SHISA6: variants seen among roughly 807,000 people sequenced by gnomAD.
The protein encoded by SHISA6 is shisa family member 6, also known as protein shisa-6.
A neutral mutation model predicts 47.9 loss-of-function variants in SHISA6; 22 were observed. The ratio of observed to expected loss-of-function variants is 0.46; its 90% CI spans 0.33 to 0.66. The LOEUF is 0.66. Ranked by LOEUF, SHISA6 falls within the 30% of genes least tolerant of loss-of-function variation. The pLI is 0.02. For missense variants in SHISA6, 680 were observed against 764.6 expected (o/e 0.89, Z 1.30); for synonymous variants, 388 against 337.8 (o/e 1.15, Z -1.63).
At chr17:11,410,168 A>G (rs1171807877) in intron 3 of SHISA6, among the ~76,000 whole-genome samples, 1 of 152,162 alleles carries the variant, frequency 6.6e-6, no homozygotes, top group African/African-American at 2.4e-5. Flanking sequence ...CACTGAAGCT[A>G]CAGTTGCTAG....
At position 11,558,175 on chromosome 17, in the gene SHISA6, G is replaced by C; in HGVS notation, c.1527G>C (p.Leu509=). The C allele has an allele frequency of 6.5e-7, 1 of 1,547,678 alleles. No individual in the cohort carries two copies. The highest frequency in any genetic ancestry group is 2.4e-5 in the East Asian group (1 of 40,916). The part of the protein sequence containing the change: ...PSASNNSYAT[L]GQSQTAAKRH... ...CCTCCAATAACTCATACGCCACCCT[G>C]GGCCAGAGCCAGACGGCAGCCAAGC... The change falls in exon 6 of 6, where the codon CTG becomes CTC. Residue 509 remains leucine, a synonymous_variant. Coordinates refer to ENST00000441885, the MANE Select transcript of SHISA6 (RefSeq NM_207386.4).
chr17:11,318,278 C>A (rs9913280), intron 2 of SHISA6, among the ~76,000 whole-genome samples: 3,083 of 152,274 alleles, frequency 0.02, 116 homozygotes, highest in African/African-American at 0.07. Flanking sequence ...CTCTTTGTAA[C>A]TGCCTTTAGT....
At chr17:11,302,537 C>T (rs895441545) in intron 2 of SHISA6, among the ~76,000 whole-genome samples, 8 of 152,108 alleles carry the variant, frequency 5.3e-5, no homozygotes, top group African/African-American at 9.7e-5. Flanking sequence ...GGTACATGAA[C>T]GTGCCAGAAA....
chr17:11,246,271 A>G (rs922347932), intron 1 of SHISA6, among the ~76,000 whole-genome samples: 1 of 152,102 alleles, frequency 6.6e-6, no homozygotes, highest in African/African-American at 2.4e-5. Context: ...TGGGTGGATC[A>G]TTAGGTCAGG....
chr17:11,547,319 C>G (rs1337137132), intron 3 of SHISA6, among the ~76,000 whole-genome samples: 1 of 152,178 alleles, frequency 6.6e-6, no homozygotes, highest in African/African-American at 2.4e-5. Context: ...TATTAGTCCA[C>G]AAAGGAAATC....
intron 3 of SHISA6, among the ~76,000 whole-genome samples, chr17:11,539,736 T>G (rs1173108265): frequency 6.6e-6 from 1 of 152,238 alleles, no homozygotes; most frequent in Non-Finnish European, 1.5e-5. Flanking sequence ...GAGATTGTTT[T>G]GTCACTTTGT....
At chr17:11,375,815 G>C (rs1912780161) in intron 2 of SHISA6, among the ~76,000 whole-genome samples, 1 of 152,144 alleles carries the variant, frequency 6.6e-6, no homozygotes, top group South Asian at 2.1e-4. Flanking sequence ...TAAAATCTTT[G>C]TTGCTTTAGG....
chr17:11,431,326 G>A (rs546348576), intron 3 of SHISA6, among the ~76,000 whole-genome samples: 2 of 152,316 alleles, frequency 1.3e-5, no homozygotes, highest in South Asian at 2.1e-4. Flanking sequence ...AGAGGGGAGT[G>A]TGGAGCAGGA....
chr17:11,287,937 G>A (rs1909379120), intron 2 of SHISA6, among the ~76,000 whole-genome samples: 1 of 152,066 alleles, frequency 6.6e-6, no homozygotes, highest in South Asian at 2.1e-4. Context: ...TAGAAAGAAT[G>A]GTATGTATAA....
chr17:11,415,821 C>A (rs1242315903), intron 3 of SHISA6, among the ~76,000 whole-genome samples: 1 of 152,050 alleles, frequency 6.6e-6, no homozygotes, highest in African/African-American at 2.4e-5. Context: ...AGGAGATGAC[C>A]TCTGTTATGT....
intron 2 of SHISA6, among the ~76,000 whole-genome samples, chr17:11,356,740 A>T (rs1912091235): frequency 6.6e-6 from 1 of 152,048 alleles, no homozygotes; most frequent in Admixed American, 6.5e-5. Flanking sequence ...GTATCCCCTT[A>T]AGTTGCACAG....
At chr17:11,556,334 C>A (rs976369496) in intron 5 of SHISA6, among the ~76,000 whole-genome samples, 4 of 152,298 alleles carry the variant, frequency 2.6e-5, no homozygotes, top group Non-Finnish European at 5.9e-5. Context: ...CCAACAGTGT[C>A]TTGAGGACCT....
intron 2 of SHISA6, among the ~76,000 whole-genome samples, chr17:11,264,656 G>C (rs952717738): frequency 1.3e-5 from 2 of 152,196 alleles, no homozygotes; most frequent in Non-Finnish European, 2.9e-5. Flanking sequence ...TGGGCAATGT[G>C]ATCTGAACTA....
intron 2 of SHISA6, among the ~76,000 whole-genome samples, chr17:11,303,082 G>A (rs1036835058): frequency 6.6e-5 from 10 of 152,156 alleles, no homozygotes; most frequent in African/African-American, 2.4e-4. Context: ...AGCAGCCTAT[G>A]TGCTTGTATG....
intron 3 of SHISA6, among the ~76,000 whole-genome samples, chr17:11,481,300 A>G (rs1408754002): frequency 2.0e-5 from 3 of 151,242 alleles, no homozygotes; most frequent in African/African-American, 7.3e-5. Flanking sequence ...ATATATACAC[A>G]TATAACAGAG....
chr17:11,241,419 C>T lies in SHISA6; in HGVS notation c.-4C>T. ...CTCCCCGCGCCCTCCCGCCCGGCCC[C>T]GCCATGGCGCTGCGGCGCCTCCTGC... On this transcript the variant is annotated 5_prime_UTR_variant, in exon 1 of 6. Transcript: ENST00000441885. The surrounding 1 kb of genome is among the most constrained non-coding windows in gnomAD (Gnocchi z 5.5). 2 of 1,152,016 alleles carry T rather than the reference C, an allele frequency of 1.7e-6. No homozygotes were observed. Among genetic ancestry groups the T allele is most frequent in the Non-Finnish European group, 2.2e-6 (2 of 926,422 alleles). The allele number at this position is 1,152,016 out of a possible 1,614,324, so 71.4% of individuals were successfully genotyped here. A position where few individuals can be genotyped will look rare whatever the true frequency, so the allele number is the denominator to read the frequency against.
intron 3 of SHISA6, among the ~76,000 whole-genome samples, chr17:11,473,529 A>G (rs184228251): frequency 1.7e-3 from 255 of 152,220 alleles, no homozygotes; most frequent in Middle Eastern, 0.01. Context: ...AAATCTACCA[A>G]TCTCATCCAT....
At chr17:11,491,237 G>A (rs1042877410) in intron 3 of SHISA6, among the ~76,000 whole-genome samples, 1 of 152,184 alleles carries the variant, frequency 6.6e-6, no homozygotes, top group African/African-American at 2.4e-5. Flanking sequence ...AGCATTCATG[G>A]AAATAATGGC....
intron 2 of SHISA6, among the ~76,000 whole-genome samples, chr17:11,348,275 A>C (rs1032691675): frequency 2.0e-5 from 3 of 152,150 alleles, no homozygotes; most frequent in Non-Finnish European, 2.9e-5. Context: ...TTGTTTATGT[A>C]AACAGGGATC....
Sources: gnomAD v4.1 joint callset for allele counts (sites outside exome capture counted in the v4.1 genomes callset) on GRCh38, gnomAD v4.1.1 for gene constraint, Gnocchi (gnomAD v3.1) non-coding constraint, MANE v1.5 for transcripts, NCBI Gene and HGNC (gene_info 2026-07-23, HGNC 2026-07-21) for gene names.